ZNF736: variants seen among roughly 807,000 people sequenced by gnomAD.
The protein encoded by ZNF736 is KRAB-containing zinc-finger repressor protein.
A neutral mutation model predicts 11.7 loss-of-function variants in ZNF736; 6 were observed. That is an observed-to-expected ratio of 0.51 (90% confidence interval 0.28 to 1.01). The LOEUF (loss-of-function observed/expected upper bound fraction) is 1.01, where lower values mean the gene tolerates loss of function less well. Among genes scored for constraint, ZNF736 ranks in the 50% least tolerant of loss-of-function variants. The pLI is 0.09. For synonymous variants in ZNF736, 139 were observed against 164.7 expected (o/e 0.84, Z 1.19); for missense variants, 444 against 496.0 (o/e 0.90, Z 1.00).
chr7:64,335,630 T>C (rs1000298872), intron 1 of ZNF736, among the ~76,000 whole-genome samples: 9 of 152,268 alleles, frequency 5.9e-5, no homozygotes, highest in Non-Finnish European at 1.2e-4. Flanking sequence ...GATTTAGCCA[T>C]GTTTAATCTG....
intron 1 of ZNF736, among the ~76,000 whole-genome samples, chr7:64,316,094 T>TA (rs371819125): frequency 2.0e-5 from 3 of 152,282 alleles, no homozygotes; most frequent in African/African-American, 7.2e-5. Flanking sequence ...GTCCAAGTAT[T>TA]ACAGCTTTCT....
intron 3 of ZNF736, among the ~76,000 whole-genome samples, chr7:64,343,317 G>A (rs1200237690): frequency 1.3e-5 from 2 of 152,106 alleles, no homozygotes; most frequent in Non-Finnish European, 1.5e-5. Context: ...AACCAGAAAG[G>A]CAAATACTGC....
At chr7:64,323,300 A>G (rs572978958) in intron 1 of ZNF736, among the ~76,000 whole-genome samples, 1 of 152,368 alleles carries the variant, frequency 6.6e-6, no homozygotes, top group African/African-American at 2.4e-5. Context: ...ACAAATATTC[A>G]TAACAAATAT....
intron 1 of ZNF736, among the ~76,000 whole-genome samples, chr7:64,323,264 G>A (rs1381645558): frequency 2.0e-5 from 3 of 151,922 alleles, no homozygotes; most frequent in East Asian, 1.9e-4. Flanking sequence ...TAAAAATACC[G>A]GATAAGAAAT....
At position 64,319,367 on chromosome 7, in the gene ZNF736, A is replaced by G. The variant is rs866234562; in HGVS notation, c.3+5214A>G. ...TATATATATATATATATATATATATATATATATATATATGCCTGACTAAGC... is the reference window on the plus strand; with the variant it reads ...TATATATATATATATATATATATATGTATATATATATATGCCTGACTAAGC... On this transcript the variant is annotated intron_variant, in intron 1 of 3. Transcript: ENST00000423484. 1.6e-3 allele frequency among the ~76,000 whole-genome samples: 211 copies of G among 130,998 alleles called. 2 individuals are homozygous for G. Among genetic ancestry groups the G allele is most frequent in the African/African-American group, 5.8e-3 (191 of 33,188 alleles). 85.9% of individuals were successfully genotyped at this position (130,998 alleles called of 152,430 possible).
chr7:64,346,745 A>G (rs199875268), intron 3 of ZNF736, among the ~76,000 whole-genome samples: 1 of 151,864 alleles, frequency 6.6e-6, no homozygotes, highest in African/African-American at 2.4e-5. Flanking sequence ...TGAAGTGCAT[A>G]TTAGTCTTTT....
At chr7:64,347,514 C>T (rs2115968042) in intron 3 of ZNF736, among the ~76,000 whole-genome samples, 1 of 152,242 alleles carries the variant, frequency 6.6e-6, no homozygotes, top group South Asian at 2.1e-4. Flanking sequence ...GTGTGAGCCA[C>T]CACTCCTGGC....
At chr7:64,316,239 C>T (rs567109731) in intron 1 of ZNF736, among the ~76,000 whole-genome samples, 33 of 152,356 alleles carry the variant, frequency 2.2e-4, no homozygotes, top group African/African-American at 7.9e-4. Flanking sequence ...TGGATGCCCT[C>T]GTGCTGAGAG....
chr7:64,340,143 C>A (rs10949894), intron 3 of ZNF736, among the ~76,000 whole-genome samples: 46,834 of 152,068 alleles, frequency 0.31, 7,377 homozygotes, highest in African/African-American at 0.34. Flanking sequence ...TATGGTGTGC[C>A]TGATGTGTGT....
chr7:64,343,861 A>G (rs893416279), intron 3 of ZNF736, among the ~76,000 whole-genome samples: 1 of 152,090 alleles, frequency 6.6e-6, no homozygotes, highest in Non-Finnish European at 1.5e-5. Flanking sequence ...AAAGTCAGAT[A>G]TTGATCAGTC....
At chr7:64,315,094 C>G (rs1434814031) in intron 1 of ZNF736, among the ~76,000 whole-genome samples, 4 of 152,080 alleles carry the variant, frequency 2.6e-5, no homozygotes, top group Admixed American at 6.6e-5. Context: ...CACCTTGCCT[C>G]TTTTTCAAGC....
At chr7:64,330,116 A>T (rs1789140892) in intron 1 of ZNF736, among the ~76,000 whole-genome samples, 1 of 151,568 alleles carries the variant, frequency 6.6e-6, no homozygotes, top group Admixed American at 6.6e-5. Flanking sequence ...CTTGTGGTGA[A>T]CTCTGCCAGG....
At position 64,336,365 on chromosome 7, in the gene ZNF736, A is replaced by G. The variant is rs771781783; in HGVS notation, c.110A>G (p.Tyr37Cys). Residue 37 changes from tyrosine to cysteine, a missense_variant, in exon 2 of 4, where the codon TAT becomes TGT. Physicochemically the swap from Tyr to Cys is radical, Grantham distance 194 (BLOSUM62 -2). Coordinates refer to ENST00000423484, the MANE Select transcript of ZNF736 (RefSeq NM_001170905.3). Reference sequence around the variant, plus strand: ...TATAGGGATGTGATGTTAGAGAACTATGGAAACCTGGTCTCCTTGGGTGAG... The same window carrying G: ...TATAGGGATGTGATGTTAGAGAACTGTGGAAACCTGGTCTCCTTGGGTGAG... ...RLYRDVMLENYGNLVSLGLAI... is the reference protein window; with the variant it reads ...RLYRDVMLENCGNLVSLGLAI... 3.1e-6 allele frequency: 5 copies of G among 1,613,074 alleles called. No homozygotes were observed. Among genetic ancestry groups the G allele is most frequent in the Admixed American group, 1.7e-5 (1 of 59,796 alleles).
chr7:64,342,516 C>T (rs559127414), intron 3 of ZNF736, among the ~76,000 whole-genome samples: 1 of 152,216 alleles, frequency 6.6e-6, no homozygotes, highest in Admixed American at 6.5e-5. Flanking sequence ...CCATAGGTTA[C>T]TTAGAACACT....
intron 1 of ZNF736, among the ~76,000 whole-genome samples, chr7:64,335,188 T>A (rs2115925923): frequency 6.6e-6 from 1 of 152,096 alleles, no homozygotes; most frequent in African/African-American, 2.4e-5. Flanking sequence ...AAATACCTAA[T>A]GCATGTGGGG....
intron 3 of ZNF736, among the ~76,000 whole-genome samples, chr7:64,343,371 G>A (rs1422736646): frequency 6.6e-6 from 1 of 152,126 alleles, no homozygotes. Context: ...AGTATACAAG[G>A]ATATAAAAAT....
intron 1 of ZNF736, among the ~76,000 whole-genome samples, chr7:64,332,599 C>T (rs933009165): frequency 1.8e-4 from 28 of 152,202 alleles, no homozygotes; most frequent in Non-Finnish European, 7.4e-5. Context: ...ACCCATCTGA[C>T]CACAAATTTA....
chr7:64,327,932 A>G (rs1369742074), intron 1 of ZNF736, among the ~76,000 whole-genome samples: 1 of 152,228 alleles, frequency 6.6e-6, no homozygotes, highest in Non-Finnish European at 1.5e-5. Flanking sequence ...AGTATTTTTA[A>G]TAACTATAAC....
Position 64,348,092 on chromosome 7 carries a change from G to A in ZNF736, c.229G>A (p.Gly77Ser). 1 of 1,497,904 alleles carries A rather than the reference G, an allele frequency of 6.7e-7. No individual in the cohort carries two copies. The allele number at this position is 1,497,904 out of a possible 1,614,324, so 92.8% of individuals were successfully genotyped here. The change falls in exon 4 of 4, where the codon GGT (glycine) becomes AGT (serine). Residue 77 changes from glycine (G) to serine (S), a missense_variant and splice_region_variant. Transcript: ENST00000423484. ...RQEAVAKHPA[G>S]SFHFTAEILP... Reference sequence around the variant, plus strand: ...AGAATTTTATTTTTTTTCTCCAGCTGGTTCTTTTCATTTTACTGCAGAGAT... The same window carrying A: ...AGAATTTTATTTTTTTTCTCCAGCTAGTTCTTTTCATTTTACTGCAGAGAT...
Sources: gnomAD v4.1 joint callset for allele counts (sites outside exome capture counted in the v4.1 genomes callset) on GRCh38, gnomAD v4.1.1 for gene constraint, MANE v1.5 for transcripts, NCBI Gene and HGNC (gene_info 2026-07-23, HGNC 2026-07-21) for gene names.